IMPG2: variants seen among roughly 807,000 people sequenced by gnomAD.
The protein encoded by IMPG2 is IPM 200.
IMPG2 carries 91 observed loss-of-function variants against 129.2 expected under a neutral mutation model. That is an observed-to-expected ratio of 0.70 (90% confidence interval 0.59 to 0.84). The LOEUF is 0.84. Among genes scored for constraint, IMPG2 ranks in the 40% least tolerant of loss-of-function variants. The pLI is 0.00. For missense variants in IMPG2, 1,430 were observed against 1,461.7 expected (o/e 0.98, Z 0.35); for synonymous variants, 510 against 517.7 (o/e 0.99, Z 0.20).
rs1706810932 is a variant in IMPG2 at position 101,273,652 on chromosome 3, G to T, written c.757C>A (p.Gln253Lys). ...GAATCCTGTAGTTCTTCCCTGTACTGCTTCCCCAAAAGGTGGATACTGAAT... is the reference window on the plus strand; with the variant it reads ...GAATCCTGTAGTTCTTCCCTGTACTTCTTCCCCAAAAGGTGGATACTGAAT... Reference protein sequence around the residue: ...AEFSIHLLGKQYREELQDSSS... With the variant: ...AEFSIHLLGKKYREELQDSSS... Residue 253 changes from glutamine to lysine, a missense_variant, in exon 7 of 19, where the codon CAG becomes AAG. By Grantham distance (53) the Gln-to-Lys change is moderately conservative. Transcript: ENST00000193391. 6.2e-7 allele frequency: 1 copy of T among 1,613,974 alleles called. No homozygotes were observed. The highest frequency in any genetic ancestry group is 2.2e-5 in the East Asian group (1 of 44,866).
At chr3:101,227,139 A>T (rs486352) in intron 18 of IMPG2, among the ~76,000 whole-genome samples, 158 bp from the exon 19 acceptor site, 97,673 of 152,006 alleles carry the variant, frequency 0.64, 31,619 homozygotes, top group Admixed American at 0.69. Context: ...TGTGCTAAAA[A>T]TTTTTTTAAT....
At chr3:101,264,951 A>G (rs1322458084) in intron 9 of IMPG2, among the ~76,000 whole-genome samples, 1 of 152,112 alleles carries the variant, frequency 6.6e-6, no homozygotes, top group African/African-American at 2.4e-5. Flanking sequence ...TACAATAGCT[A>G]CAAGAAAAAT....
intron 14 of IMPG2, among the ~76,000 whole-genome samples, chr3:101,238,902 C>T (rs1706376062): frequency 6.6e-6 from 1 of 152,068 alleles, no homozygotes; most frequent in Non-Finnish European, 1.5e-5. Flanking sequence ...GCTAAATGCC[C>T]CAATTAAAAG....
chr3:101,253,373 T>C (rs2107229541), intron 11 of IMPG2, among the ~76,000 whole-genome samples: 1 of 152,240 alleles, frequency 6.6e-6, no homozygotes, highest in Middle Eastern at 3.4e-3. Context: ...ATAAAATCTA[T>C]TTCTGGGTAA....
At chr3:101,288,511 T>G (rs1371660176) in intron 4 of IMPG2, among the ~76,000 whole-genome samples, 4 of 152,160 alleles carry the variant, frequency 2.6e-5, no homozygotes, top group South Asian at 4.1e-4. Flanking sequence ...CATGGAATAC[T>G]ATGCAGCGAT....
rs1327599936 is a variant in IMPG2 at position 101,245,991 on chromosome 3, C to G, written c.1354G>C (p.Glu452Gln). The change falls in exon 12 of 19, where the codon GAA becomes CAA. Residue 452 changes from glutamate (E) to glutamine (Q), a missense_variant. Coordinates refer to ENST00000193391, the MANE Select transcript of IMPG2 (RefSeq NM_016247.4). ...PSATGRELWS[E>Q]SPLGDLVSTH... ...GACACTAAATCACCCAAAGGACTTT[C>G]TGACCAGAGTTCCCTGCCAGTGGCT... 5 of 1,614,050 alleles carry G rather than the reference C, an allele frequency of 3.1e-6. No individual in the cohort carries two copies. The highest frequency in any genetic ancestry group is 4.2e-6 in the Non-Finnish European group (5 of 1,180,030).
chr3:101,228,528 C>T (rs1706247600), intron 18 of IMPG2, among the ~76,000 whole-genome samples: 1 of 152,200 alleles, frequency 6.6e-6, no homozygotes, highest in Admixed American at 6.5e-5. Context: ...CTGCCACTGG[C>T]TATCACTGTC....
intron 10 of IMPG2, among the ~76,000 whole-genome samples, chr3:101,256,192 AGAAAGAAAGAAAGAAAGAAAGAAAG>A (rs1706603615): frequency 6.6e-6 from 1 of 150,608 alleles, no homozygotes; most frequent in African/African-American, 2.5e-5. Context: ...AAAGAAAGAA[AGAAAGAAAGAAAGAAAGAAAGAAAG>A]AAAAAAATAT....
chr3:101,241,620 G>A (rs779313147), intron 14 of IMPG2, among the ~76,000 whole-genome samples: 3 of 152,116 alleles, frequency 2.0e-5, no homozygotes, highest in South Asian at 2.1e-4. Context: ...GGATGGAGTC[G>A]TACCAATGGA....
rs575081748 is a variant in IMPG2 at position 101,263,661 on chromosome 3, A to C, written c.908+3850T>G. On this transcript the variant is annotated intron_variant, in intron 9 of 18. Transcript: ENST00000193391. ...TCAAAGAACTAGAAAAGCAAAAACA[A>C]ACCAAACCAAAAAATTAGCAGCAGG... Among the ~76,000 whole-genome samples, 21 of 152,084 alleles carry C rather than the reference A, an allele frequency of 1.4e-4. 1 individual carries two copies. The South Asian group carries it at 4.3e-3, about 32-fold the overall frequency.
intron 2 of IMPG2, 72 bp downstream of exon 2, chr3:101,319,512 A>T: frequency 6.4e-7 from 1 of 1,570,006 alleles, no homozygotes; most frequent in Non-Finnish European, 8.7e-7. Flanking sequence ...TTGATTTACA[A>T]TGTTACCTAA....
chr3:101,245,420 C>G (rs1373073236), intron 12 of IMPG2, among the ~76,000 whole-genome samples: 1 of 152,134 alleles, frequency 6.6e-6, no homozygotes, highest in Non-Finnish European at 1.5e-5. Flanking sequence ...GACTTGGCCC[C>G]CACAACTAAT....
intron 3 of IMPG2, 126 bp downstream of exon 3, chr3:101,304,020 C>G: frequency 3.1e-6 from 3 of 960,656 alleles, no homozygotes; most frequent in Non-Finnish European, 5.0e-6. Context: ...GCAGCTTACT[C>G]AGATAGCCCA....
intron 13 of IMPG2, 51 bp downstream of exon 13, chr3:101,243,478 C>T (rs778765326): frequency 4.6e-6 from 7 of 1,514,360 alleles, no homozygotes; most frequent in East Asian, 2.3e-5. Context: ...GAGGAGGAGT[C>T]GGTCATACAT....
At chr3:101,261,802 A>G (rs568088005) in intron 9 of IMPG2, among the ~76,000 whole-genome samples, 1 of 152,216 alleles carries the variant, frequency 6.6e-6, no homozygotes, top group Admixed American at 6.5e-5. Context: ...AAGAAAACCA[A>G]GAGGCCAAGG....
At chr3:101,276,758 A>G (rs1335299780) in intron 4 of IMPG2, 45 bp from the exon 5 acceptor site, 7 of 1,461,298 alleles carry the variant, frequency 4.8e-6, no homozygotes, top group Non-Finnish European at 6.7e-6. Context: ...CAGACACATG[A>G]GAGTTTATTT....
intron 8 of IMPG2, among the ~76,000 whole-genome samples, chr3:101,268,904 C>G (rs1706748885): frequency 6.6e-6 from 1 of 152,138 alleles, no homozygotes; most frequent in East Asian, 1.9e-4. Context: ...CTGTTTCCTC[C>G]TCTTAAAAAT....
intron 18 of IMPG2, 51 bp downstream of exon 18, chr3:101,228,741 CTAGAG>C: frequency 7.4e-7 from 1 of 1,351,576 alleles, no homozygotes; most frequent in Non-Finnish European, 1.1e-6. Context: ...TGACATTACT[CTAGAG>C]TAAACTGTTA....
At position 101,319,852 on chromosome 3, in the gene IMPG2, T is replaced by G; in HGVS notation, c.86-20A>C. 6.2e-7 allele frequency: 1 copy of G among 1,607,170 alleles called. No individual in the cohort carries two copies. Among genetic ancestry groups the G allele is most frequent in the Non-Finnish European group, 8.5e-7 (1 of 1,178,414 alleles). On this transcript the variant is annotated intron_variant, in intron 1 of 18. Coordinates refer to ENST00000193391, the MANE Select transcript of IMPG2 (RefSeq NM_016247.4). Reference sequence around the variant, plus strand: ...TTTGTGCTACAGAGTGAAAGTATAGTCAAGTCTTCGATAATGAAGATACAG... The same window carrying G: ...TTTGTGCTACAGAGTGAAAGTATAGGCAAGTCTTCGATAATGAAGATACAG...
Sources: gnomAD v4.1 joint callset for allele counts (sites outside exome capture counted in the v4.1 genomes callset) on GRCh38, gnomAD v4.1.1 for gene constraint, MANE v1.5 for transcripts, NCBI Gene and HGNC (gene_info 2026-07-23, HGNC 2026-07-21) for gene names.